Variants in RALYL observed in about 807,000 individuals in gnomAD.
RALYL encodes the protein RNA-binding Raly-like protein.
A neutral mutation model predicts 35.1 loss-of-function variants in RALYL; 29 were observed. The observed-to-expected ratio is 0.83, with a 90% CI of 0.61 to 1.13. The LOEUF (loss-of-function observed/expected upper bound fraction) is 1.13. Ranked by LOEUF, RALYL falls within the 50% of genes most tolerant of loss-of-function variation. The pLI, the probability that RALYL is intolerant of heterozygous loss-of-function variation, is 0.00. For synonymous variants in RALYL, 120 were observed against 127.6 expected, an observed-to-expected ratio of 0.94 and a Z score of 0.40; for missense variants, 359 against 360.4, an observed-to-expected ratio of 1.00 and a Z score of 0.03.
rs927661264 is a variant in RALYL at position 84,355,842 on chromosome 8, A to G, written c.-24+171418A>G. 1.3e-4 allele frequency among the ~76,000 whole-genome samples: 20 copies of G among 150,348 alleles called. 1 individual carries two copies. The highest frequency in any genetic ancestry group is 4.4e-4 in the African/African-American group (18 of 40,482). On this transcript the variant is annotated intron_variant, in intron 1 of 8. Coordinates refer to ENST00000521268, the MANE Select transcript of RALYL (RefSeq NM_173848.7). ...AGGTGACTCTGAGGTTTTTGGCATT[A>G]ACAGCTAGGTGAATGGTGGTATGAA...
intron 1 of RALYL, among the ~76,000 whole-genome samples, chr8:84,528,941 A>G (rs1235612263): frequency 6.6e-6 from 1 of 152,042 alleles, no homozygotes; most frequent in Admixed American, 6.5e-5. Context: ...GACCTTAGCC[A>G]TGTTGGATTT....
intron 3 of RALYL, among the ~76,000 whole-genome samples, chr8:84,775,281 A>G (rs990488275): frequency 6.6e-6 from 1 of 152,058 alleles, no homozygotes; most frequent in Non-Finnish European, 1.5e-5. Context: ...ACTGCATGCC[A>G]TGTTCTTTAG....
At chr8:84,433,843 G>GTA (rs34226254) in intron 1 of RALYL, among the ~76,000 whole-genome samples, 1,874 of 135,442 alleles carry the variant, frequency 0.014, 29 homozygotes, top group African/African-American at 0.039. Context: ...ATGTGTGTGT[G>GTA]TATATATATA....
intron 1 of RALYL, among the ~76,000 whole-genome samples, chr8:84,232,878 A>G (rs562869521): frequency 1.3e-5 from 2 of 152,188 alleles, no homozygotes; most frequent in Admixed American, 6.5e-5. Context: ...TAAAACAGCC[A>G]TTAAAAGTGG....
At chr8:84,495,323 C>A (rs1337499737) in intron 1 of RALYL, among the ~76,000 whole-genome samples, 1 of 152,028 alleles carries the variant, frequency 6.6e-6, no homozygotes, top group African/African-American at 2.4e-5. Context: ...ACAGGTTCTA[C>A]CTCTTTTCGG....
chr8:84,555,919 CA>C (rs1305109007), intron 2 of RALYL, among the ~76,000 whole-genome samples: 1 of 152,156 alleles, frequency 6.6e-6, no homozygotes, highest in African/African-American at 2.4e-5. Flanking sequence ...ACATAATTTT[CA>C]CTGTTTTAGA....
chr8:84,807,746 T>A (rs1824991563), intron 4 of RALYL, among the ~76,000 whole-genome samples: 1 of 152,228 alleles, frequency 6.6e-6, no homozygotes, highest in African/African-American at 2.4e-5. Context: ...TGGTTTTGAT[T>A]TGCATTTGCC....
chr8:84,792,423 C>T (rs754231586), intron 3 of RALYL, among the ~76,000 whole-genome samples: 8 of 152,226 alleles, frequency 5.3e-5, no homozygotes, highest in Non-Finnish European at 1.0e-4. Context: ...CTGCACCGTT[C>T]TGCCTTTCTT....
intron 1 of RALYL, among the ~76,000 whole-genome samples, chr8:84,255,138 AT>A (rs1830976950): frequency 6.6e-6 from 1 of 152,132 alleles, no homozygotes; most frequent in Non-Finnish European, 1.5e-5. Flanking sequence ...GAAAGTCTTA[AT>A]TATTTAAAAA....
intron 2 of RALYL, among the ~76,000 whole-genome samples, chr8:84,582,097 C>G (rs1158411463): frequency 6.6e-6 from 1 of 151,976 alleles, no homozygotes; most frequent in Non-Finnish European, 1.5e-5. Flanking sequence ...TCTTACATGT[C>G]TGATTCTTAC....
At chr8:84,296,863 G>T (rs917955382) in intron 1 of RALYL, among the ~76,000 whole-genome samples, 2 of 151,772 alleles carry the variant, frequency 1.3e-5, no homozygotes, top group South Asian at 4.2e-4. Context: ...ATTATACTTT[G>T]ATTTGTTGCC....
intron 8 of RALYL, among the ~76,000 whole-genome samples, chr8:84,913,085 T>TAGATAGATAGAC (rs1463454761): frequency 6.6e-6 from 1 of 151,750 alleles, no homozygotes; most frequent in African/African-American, 2.4e-5. Flanking sequence ...GATAGATAGA[T>TAGATAGATAGAC]AGATACACAT....
At chr8:84,364,807 T>C (rs1250270237) in intron 1 of RALYL, among the ~76,000 whole-genome samples, 3 of 152,150 alleles carry the variant, frequency 2.0e-5, no homozygotes, top group African/African-American at 7.2e-5. Flanking sequence ...AGCTTAAGCT[T>C]TTCAATTGTT....
At chr8:84,373,180 C>T (rs554102014) in intron 1 of RALYL, among the ~76,000 whole-genome samples, 4 of 151,656 alleles carry the variant, frequency 2.6e-5, no homozygotes, top group Non-Finnish European at 4.4e-5. Flanking sequence ...TCCTCCCATT[C>T]TGTAGGTTGT....
chr8:84,282,579 A>C (rs1398487085), intron 1 of RALYL, among the ~76,000 whole-genome samples: 1 of 152,028 alleles, frequency 6.6e-6, no homozygotes, highest in East Asian at 1.9e-4. Flanking sequence ...GACCCAGCCA[A>C]AATTTTGCAA....
chr8:84,775,811 C>T (rs1313418121), intron 3 of RALYL, among the ~76,000 whole-genome samples: 3 of 152,200 alleles, frequency 2.0e-5, no homozygotes, highest in Admixed American at 2.0e-4. Flanking sequence ...ACAGCCACTT[C>T]TGAAAAAATT....
chr8:84,723,059 A>G (rs572778293), intron 2 of RALYL, among the ~76,000 whole-genome samples: 1 of 151,940 alleles, frequency 6.6e-6, no homozygotes, highest in South Asian at 2.1e-4. Flanking sequence ...GCATAAGTAA[A>G]ATTTTAGATA....
intron 2 of RALYL, among the ~76,000 whole-genome samples, chr8:84,702,326 C>T (rs1840334249): frequency 6.6e-6 from 1 of 152,038 alleles, no homozygotes; most frequent in African/African-American, 2.4e-5. Flanking sequence ...TTAATTCAGC[C>T]CTAAATCATA....
intron 4 of RALYL, among the ~76,000 whole-genome samples, 154 bp from the exon 5 acceptor site, chr8:84,849,826 T>C (rs574902882): frequency 1.6e-4 from 25 of 152,326 alleles, no homozygotes; most frequent in Admixed American, 1.6e-3. Context: ...TATATCAAAT[T>C]GGACATTATC....
Sources: allele counts gnomAD v4.1 joint callset (sites outside exome capture counted in the v4.1 genomes callset), GRCh38; gene constraint gnomAD v4.1.1; transcripts MANE v1.5; gene names NCBI Gene and HGNC (gene_info 2026-07-23, HGNC 2026-07-21).